Variants in RSPO3 observed in about 807,000 individuals in gnomAD.
RSPO3 encodes the protein R-spondin-3.
In RSPO3, 17 loss-of-function variants were observed where a neutral mutation model predicts 36.5. That is an observed-to-expected ratio of 0.47 (90% CI 0.32 to 0.70). RSPO3 has a LOEUF of 0.70. RSPO3 is among the 30% of genes least tolerant of loss of function. The pLI, the probability that RSPO3 is intolerant of heterozygous loss-of-function variation, is 0.04. For synonymous variants in RSPO3, 108 were observed against 107.0 expected (o/e 1.01, Z -0.06); for missense variants, 294 against 322.5 (o/e 0.91, Z 0.68).
In RSPO3 at chr6:127,199,443, A is replaced by G. The variant is rs1435841048; in HGVS notation, c.*3436A>G. On this transcript the variant is annotated 3_prime_UTR_variant, in exon 5 of 5. Transcript: ENST00000356698. ...ATAAGTATATATGTGAGAATCATGG[A>G]AATGAAATTAATAATATTAACTAGT... is the stretch of plus-strand genomic sequence containing the variant. Among the ~76,000 whole-genome samples, 1 of 151,664 alleles carries G rather than the reference A, an allele frequency of 6.6e-6. No individual in the cohort carries two copies. Among genetic ancestry groups the G allele is most frequent in the African/African-American group, 2.4e-5 (1 of 41,200 alleles).
chr6:127,153,626 C>G (rs1361023981), intron 3 of RSPO3, among the ~76,000 whole-genome samples: 2 of 152,014 alleles, frequency 1.3e-5, no homozygotes, highest in African/African-American at 4.8e-5. Flanking sequence ...TTTCTAATGT[C>G]CAAGTGTACA....
At chr6:127,187,719 CT>C (rs1775325236) in intron 4 of RSPO3, among the ~76,000 whole-genome samples, 3 of 152,060 alleles carry the variant, frequency 2.0e-5, no homozygotes, top group Admixed American at 1.3e-4. Context: ...AACTTCTGCT[CT>C]GAAGAAAAAA....
intron 1 of RSPO3, among the ~76,000 whole-genome samples, chr6:127,130,197 T>G (rs1774023422): frequency 6.6e-6 from 1 of 152,162 alleles, no homozygotes; most frequent in Non-Finnish European, 1.5e-5. Context: ...AAAGTATTCT[T>G]GCTCAATACC....
intron 4 of RSPO3, among the ~76,000 whole-genome samples, chr6:127,179,337 G>A (rs1021701099): frequency 2.0e-5 from 3 of 151,708 alleles, no homozygotes; most frequent in African/African-American, 4.8e-5. Context: ...CTGATGCTCC[G>A]CTTCCTTTGA....
At chr6:127,147,908 T>A (rs1255568713) in intron 1 of RSPO3, among the ~76,000 whole-genome samples, 1 of 152,152 alleles carries the variant, frequency 6.6e-6, no homozygotes, top group Non-Finnish European at 1.5e-5. Context: ...AGTAGTCATA[T>A]ATGATCCACA....
At chr6:127,146,179 G>A (rs1448166116) in intron 1 of RSPO3, among the ~76,000 whole-genome samples, 3 of 151,964 alleles carry the variant, frequency 2.0e-5, no homozygotes, top group Non-Finnish European at 2.9e-5. Flanking sequence ...AAAATTCATT[G>A]CCATATTCAA....
In RSPO3 at chr6:127,197,230, C is replaced by CG; in HGVS notation, c.*1224dup. On this transcript the variant is annotated 3_prime_UTR_variant, in exon 5 of 5. Coordinates refer to ENST00000356698, the MANE Select transcript of RSPO3 (RefSeq NM_032784.5). ...TGAGCCAATGGAGATTTACTTATAG[C>CG]GTATTAGGAGATATTTATTCCATTT... is the stretch of plus-strand genomic sequence containing the variant. 1 of 599,204 alleles carries CG rather than the reference C, an allele frequency of 1.7e-6. No individual in the cohort carries two copies. Among genetic ancestry groups the CG allele is most frequent in the South Asian group, 2.4e-5 (1 of 41,104 alleles). The allele number at this position is 599,204 out of a possible 1,614,324, so 37.1% of individuals were successfully genotyped here.
At chr6:127,135,856 T>G (rs2503115) in intron 1 of RSPO3, among the ~76,000 whole-genome samples, 144,174 of 151,058 alleles carry the variant, frequency 0.95, 68,874 homozygotes, top group East Asian at 1. Flanking sequence ...GAACCCTGGA[T>G]TTTGAGGCTG....
At chr6:127,146,162 G>GATATTCAAAATTCATTGCC (rs1472674187) in intron 1 of RSPO3, among the ~76,000 whole-genome samples, 14 of 152,188 alleles carry the variant, frequency 9.2e-5, no homozygotes, top group African/African-American at 2.9e-4. Context: ...GCCATCATTT[G>GATATTCAAAATTCATTGCC]ATATTCAAAA....
intron 1 of RSPO3, among the ~76,000 whole-genome samples, chr6:127,134,082 G>A (rs1774107504): frequency 6.6e-6 from 1 of 152,120 alleles, no homozygotes; most frequent in African/African-American, 2.4e-5. Flanking sequence ...TTTTTCTCTG[G>A]GAAACAGAGA....
intron 1 of RSPO3, among the ~76,000 whole-genome samples, chr6:127,142,801 T>G (rs889162593): frequency 5.9e-5 from 9 of 151,990 alleles, no homozygotes; most frequent in African/African-American, 2.2e-4. Context: ...TTTTTTTGTT[T>G]GTTTGTTTGT....
At chr6:127,123,772 A>G (rs1773889645) in intron 1 of RSPO3, among the ~76,000 whole-genome samples, 1 of 152,072 alleles carries the variant, frequency 6.6e-6, no homozygotes, top group Non-Finnish European at 1.5e-5. Flanking sequence ...GAACTTGCAA[A>G]TAGATAAGCT....
At chr6:127,194,150 T>C (rs1405999404) in intron 4 of RSPO3, among the ~76,000 whole-genome samples, 2 of 152,170 alleles carry the variant, frequency 1.3e-5, no homozygotes, top group African/African-American at 4.8e-5. Context: ...GTAGTATACC[T>C]ATGCAATATT....
intron 4 of RSPO3, among the ~76,000 whole-genome samples, chr6:127,178,644 A>G (rs967912914): frequency 6.6e-6 from 1 of 151,820 alleles, no homozygotes; most frequent in Non-Finnish European, 1.5e-5. Context: ...ATATGTGTAT[A>G]TAAAATATAT....
chr6:127,162,562 C>T (rs1774728800), intron 4 of RSPO3, among the ~76,000 whole-genome samples: 1 of 152,078 alleles, frequency 6.6e-6, no homozygotes, highest in Non-Finnish European at 1.5e-5. Flanking sequence ...AAATCTGAGG[C>T]CAAGATACCT....
At chr6:127,135,129 T>C (rs1340909759) in intron 1 of RSPO3, among the ~76,000 whole-genome samples, 3 of 152,148 alleles carry the variant, frequency 2.0e-5, no homozygotes, top group Non-Finnish European at 2.9e-5. Flanking sequence ...CCCAATAAGA[T>C]TGCAACTATT....
At chr6:127,154,391 G>GA (rs969758750) in intron 3 of RSPO3, among the ~76,000 whole-genome samples, 7 of 151,724 alleles carry the variant, frequency 4.6e-5, no homozygotes, top group Non-Finnish European at 8.8e-5. Flanking sequence ...AGCCGTTATT[G>GA]AAAAAAAGAA....
At position 127,144,118 on chromosome 6, in the gene RSPO3, A is replaced by G. The variant is rs796082679; in HGVS notation, c.98-4530A>G. Among the ~76,000 whole-genome samples, 10 of 152,324 alleles carry G rather than the reference A, an allele frequency of 6.6e-5. 1 individual carries two copies. Among genetic ancestry groups the G allele is most frequent in the African/African-American group, 2.4e-4 (10 of 41,582 alleles). ...TGAAAGTAGGTTTAAGTTATGTATC[A>G]GTGTACACCCTTTTTGTACAACTAA... On this transcript the variant is annotated intron_variant, in intron 1 of 4. Coordinates refer to ENST00000356698, the MANE Select transcript of RSPO3 (RefSeq NM_032784.5).
intron 4 of RSPO3, among the ~76,000 whole-genome samples, chr6:127,158,267 C>T (rs1161119746): frequency 1.3e-5 from 2 of 152,012 alleles, no homozygotes; most frequent in Non-Finnish European, 2.9e-5. Context: ...GACTTCCCCT[C>T]ACACTTAGGA....
Sources: gnomAD v4.1 joint callset for allele counts (sites outside exome capture counted in the v4.1 genomes callset) on GRCh38, gnomAD v4.1.1 for gene constraint, MANE v1.5 for transcripts, NCBI Gene and HGNC (gene_info 2026-07-23, HGNC 2026-07-21) for gene names.